Variants in TMC7 observed in about 807,000 individuals in gnomAD.
The protein encoded by TMC7 is transmembrane channel like 7, also known as transmembrane channel-like protein 7.
A neutral mutation model predicts 82.9 loss-of-function variants in TMC7; 54 were observed. That is an observed-to-expected ratio of 0.65 (90% confidence interval 0.52 to 0.82). The LOEUF (loss-of-function observed/expected upper bound fraction) is 0.82, where lower values mean the gene tolerates loss of function less well. Among genes scored for constraint, TMC7 ranks in the 40% least tolerant of loss-of-function variants. The probability of loss-of-function intolerance (pLI) is 0.00; values close to 1 mark genes in which losing one functional copy is unlikely to be tolerated. For missense variants in TMC7, 820 were observed against 901.2 expected, an observed-to-expected ratio of 0.91 and a Z score of 1.15; for synonymous variants, 350 against 337.9, an observed-to-expected ratio of 1.04 and a Z score of -0.39.
intron 2 of TMC7, among the ~76,000 whole-genome samples, chr16:19,015,695 G>A (rs1033559025): frequency 6.6e-6 from 1 of 150,824 alleles, no homozygotes; most frequent in Non-Finnish European, 1.5e-5. Context: ...CTTCTGCCTC[G>A]GCCTCCCAAG....
intron 3 of TMC7, among the ~76,000 whole-genome samples, chr16:19,020,665 C>T (rs148545670): frequency 0.013 from 2,030 of 151,480 alleles, 39 homozygotes; most frequent in African/African-American, 0.045. Context: ...GTCAGGAGTT[C>T]GAGACCAGCT....
intron 1 of TMC7, among the ~76,000 whole-genome samples, chr16:18,991,523 G>C (rs879425017): frequency 5.9e-5 from 9 of 152,016 alleles, no homozygotes; most frequent in African/African-American, 1.4e-4. Context: ...TTGAGGCCTC[G>C]GCGATTTTGG....
In TMC7 at chr16:19,040,269, A is replaced by G; in HGVS notation, c.1180-20A>G. 3 of 1,607,840 alleles carry G rather than the reference A, an allele frequency of 1.9e-6. No homozygotes were observed. The South Asian group carries it at 3.3e-5, about 18-fold the overall frequency. On this transcript the variant is annotated intron_variant, in intron 8 of 15. Coordinates refer to ENST00000304381, the MANE Select transcript of TMC7 (RefSeq NM_024847.4). ...ACTTCCTCATATACTCCTGACTAAT[A>G]AGTTTTGTTATCCTCCTAGGAAATC... is the stretch of plus-strand genomic sequence containing the variant.
At chr16:19,001,732 G>A (rs979620630) in intron 1 of TMC7, among the ~76,000 whole-genome samples, 2 of 152,140 alleles carry the variant, frequency 1.3e-5, no homozygotes, top group African/African-American at 2.4e-5. Context: ...GAGTGAGTGC[G>A]GTGGAGTGGG....
Position 19,063,806 on chromosome 16 carries a change from TCTTA to T in TMC7, c.*1967_*1970del, listed in dbSNP as rs1394902319. The T allele has an allele frequency of 6.6e-6, 1 of 152,158 alleles. No individual in the cohort carries two copies. The highest frequency in any genetic ancestry group is 1.9e-4 in the East Asian group (1 of 5,196). 9.4% of individuals were successfully genotyped at this position (152,158 alleles called of 1,614,324 possible). ...GTTAAATGCTGCTAATATGCATACCTCTTACTTGAAGGTTTTTAATATGTTTTGA... is the reference window on the plus strand; with the variant it reads ...GTTAAATGCTGCTAATATGCATACCTCTTGAAGGTTTTTAATATGTTTTGA... On this transcript the variant is annotated 3_prime_UTR_variant, in exon 16 of 16. Coordinates refer to ENST00000304381, the MANE Select transcript of TMC7 (RefSeq NM_024847.4).
intron 6 of TMC7, among the ~76,000 whole-genome samples, chr16:19,031,670 CA>C (rs1339682493): frequency 3.9e-5 from 6 of 151,930 alleles, no homozygotes; most frequent in Non-Finnish European, 7.4e-5. Context: ...GACTCTGTCT[CA>C]AAAACAAACA....
In TMC7 at chr16:18,988,042, T is replaced by A. The variant is rs531396009; in HGVS notation, c.67+3912T>A. On this transcript the variant is annotated intron_variant, in intron 1 of 15. Coordinates refer to ENST00000304381, the MANE Select transcript of TMC7 (RefSeq NM_024847.4). ...CCTTGTTTTTAGAGACAGGGTTTCC[T>A]TCTGCAGTCTCAAACTCCTAGCCTT... is the stretch of plus-strand genomic sequence containing the variant. Among the ~76,000 whole-genome samples, 365 of 152,252 alleles carry A rather than the reference T, an allele frequency of 2.4e-3. 1 individual carries two copies. The highest frequency in any genetic ancestry group is 8.2e-3 in the African/African-American group (340 of 41,554).
chr16:18,990,292 A>G (rs1207288045), intron 1 of TMC7, among the ~76,000 whole-genome samples: 4 of 152,118 alleles, frequency 2.6e-5, no homozygotes, highest in South Asian at 4.1e-4. Flanking sequence ...CCATCTGGAT[A>G]TATACGTGCA....
intron 1 of TMC7, among the ~76,000 whole-genome samples, chr16:18,992,426 C>T (rs1456333207): frequency 6.6e-6 from 1 of 152,068 alleles, no homozygotes; most frequent in Non-Finnish European, 1.5e-5. Context: ...TATCCTTTGC[C>T]CACTTTTTGA....
chr16:18,984,319 C>G, intron 1 of TMC7, 189 bp downstream of exon 1: 1 of 1,309,818 alleles, frequency 7.6e-7, no homozygotes. Flanking sequence ...CAAACGCGTC[C>G]TCATCCAATC....
At chr16:19,017,820 G>A (rs1372733956) in intron 3 of TMC7, among the ~76,000 whole-genome samples, 1 of 152,060 alleles carries the variant, frequency 6.6e-6, no homozygotes, top group Non-Finnish European at 1.5e-5. Context: ...ACAGGTGCCC[G>A]CCACCTCGCC....
At chr16:18,984,182 G>A (rs1382189713) in intron 1 of TMC7, 52 bp downstream of exon 1, 2 of 1,444,050 alleles carry the variant, frequency 1.4e-6, no homozygotes, top group Admixed American at 2.7e-5. Flanking sequence ...GTCCGAGGGC[G>A]CACGGAGGGA....
At chr16:19,048,477 A>G (rs563250514) in intron 12 of TMC7, among the ~76,000 whole-genome samples, 1 of 152,044 alleles carries the variant, frequency 6.6e-6, no homozygotes, top group African/African-American at 2.4e-5. Context: ...GTTGGAGTGC[A>G]ATGGCATGAT....
At chr16:19,025,410 G>C (rs1960175245) in intron 5 of TMC7, among the ~76,000 whole-genome samples, 6 of 152,098 alleles carry the variant, frequency 3.9e-5, no homozygotes. Context: ...CCTGAGGTCA[G>C]GAGTTCAAGA....
At chr16:19,055,277 T>TTGTGGA (rs1282281179) in intron 13 of TMC7, among the ~76,000 whole-genome samples, 2 of 152,218 alleles carry the variant, frequency 1.3e-5, no homozygotes. Flanking sequence ...TCCACAATAA[T>TTGTGGA]ATATCACACT....
chr16:19,028,748 C>T (rs185069433), intron 5 of TMC7, among the ~76,000 whole-genome samples: 439 of 151,228 alleles, frequency 2.9e-3, no homozygotes, highest in African/African-American at 9.9e-3. Flanking sequence ...CTCTACCTCT[C>T]GGGTTCAAGT....
In TMC7 at chr16:19,051,822, T is replaced by C. The variant is rs771378691; in HGVS notation, c.1871+6T>C. On this transcript the variant is annotated splice_donor_region_variant and intron_variant, in intron 13 of 15. Transcript: ENST00000304381. ...CTGACAATCAGCATATCACGGTAAA[T>C]GTGACTTTGTTTTCTAGAACATTTC... 1.2e-5 allele frequency: 20 copies of C among 1,613,816 alleles called. No homozygotes were observed. The East Asian group carries it at 4.5e-4, about 36-fold the overall frequency.
At chr16:19,027,676 A>G (rs1343228652) in intron 5 of TMC7, among the ~76,000 whole-genome samples, 4 of 151,974 alleles carry the variant, frequency 2.6e-5, no homozygotes, top group Non-Finnish European at 5.9e-5. Flanking sequence ...ACACGTTTTT[A>G]TGGCCTTTGG....
intron 3 of TMC7, among the ~76,000 whole-genome samples, chr16:19,020,274 G>T (rs911093467): frequency 6.6e-6 from 1 of 152,138 alleles, no homozygotes; most frequent in African/African-American, 2.4e-5. Flanking sequence ...TTGAGATTGA[G>T]AATGAGAAAA....
Sources: gnomAD v4.1 joint callset for allele counts (sites outside exome capture counted in the v4.1 genomes callset) on GRCh38, gnomAD v4.1.1 for gene constraint, MANE v1.5 for transcripts, NCBI Gene and HGNC (gene_info 2026-07-23, HGNC 2026-07-21) for gene names.